The following PPP4R4 variants were observed in gnomAD, a reference collection of about 807,000 sequenced individuals.
PPP4R4 encodes protein phosphatase 4 regulatory subunit 4, also known as serine/threonine-protein phosphatase 4 regulatory subunit 4.
Under a neutral mutation model 121.8 loss-of-function variants are expected in PPP4R4, and 70 were observed. The ratio of observed to expected loss-of-function variants is 0.57; its 90% confidence interval spans 0.47 to 0.70. The LOEUF (loss-of-function observed/expected upper bound fraction) is 0.70, where lower values mean the gene tolerates loss of function less well. Among genes scored for constraint, PPP4R4 ranks in the 30% least tolerant of loss-of-function variants. The pLI, the probability that PPP4R4 is intolerant of heterozygous loss-of-function variation, is 0.00. For synonymous variants in PPP4R4, 348 were observed against 355.7 expected (o/e 0.98, Z 0.24); for missense variants, 875 against 1,033.6 (o/e 0.85, Z 2.10).
At chr14:94,266,216 A>T (rs1894046147) in intron 22 of PPP4R4, among the ~76,000 whole-genome samples, 1 of 152,126 alleles carries the variant, frequency 6.6e-6, no homozygotes, top group African/African-American at 2.4e-5. Flanking sequence ...AGTATGTTCC[A>T]TTATCTAAAT....
intron 3 of PPP4R4, among the ~76,000 whole-genome samples, chr14:94,226,522 T>C (rs976903642): frequency 3.9e-5 from 6 of 152,210 alleles, no homozygotes; most frequent in African/African-American, 1.4e-4. Flanking sequence ...TGATGAGGTA[T>C]AATCATTAAA....
At chr14:94,240,631 C>A (rs759837267) in intron 8 of PPP4R4, 42 bp from the exon 9 acceptor site, 4 of 1,569,806 alleles carry the variant, frequency 2.5e-6, no homozygotes, top group Admixed American at 3.8e-5. Context: ...GCAATGTGGA[C>A]GACTGAATTT....
chr14:94,267,517 T>G (rs1007313219), intron 23 of PPP4R4, among the ~76,000 whole-genome samples: 1 of 152,182 alleles, frequency 6.6e-6, no homozygotes, highest in Non-Finnish European at 1.5e-5. Context: ...AAAGCAGCTA[T>G]AGACAGTACA....
At chr14:94,262,012 T>C (rs1381706282) in intron 19 of PPP4R4, among the ~76,000 whole-genome samples, 1 of 152,008 alleles carries the variant, frequency 6.6e-6, no homozygotes, top group Non-Finnish European at 1.5e-5. Context: ...TTCCCCTTTT[T>C]GTCATTTTTG....
chr14:94,194,502 T>A (rs916937806), intron 2 of PPP4R4, among the ~76,000 whole-genome samples: 1 of 152,228 alleles, frequency 6.6e-6, no homozygotes, highest in African/African-American at 2.4e-5. Context: ...GTTGATCAAA[T>A]ATTTAAAAAT....
chr14:94,233,785 T>C (rs756414663), intron 6 of PPP4R4, 26 bp downstream of exon 6: 1 of 1,419,050 alleles, frequency 7.0e-7, no homozygotes, highest in Admixed American at 1.8e-5. Context: ...TAATTTTCGG[T>C]CTACTTTATT....
chr14:94,251,434 A>C (rs1893173170), intron 15 of PPP4R4, among the ~76,000 whole-genome samples: 1 of 152,024 alleles, frequency 6.6e-6, no homozygotes, highest in Admixed American at 6.5e-5. Flanking sequence ...TCAGGGCTAA[A>C]TGAGATAATA....
chr14:94,229,467 G>C (rs1891894425), intron 3 of PPP4R4, among the ~76,000 whole-genome samples: 1 of 152,048 alleles, frequency 6.6e-6, no homozygotes, highest in South Asian at 2.1e-4. Context: ...TTTAGGGAGA[G>C]ATCAGTGAAG....
intron 3 of PPP4R4, among the ~76,000 whole-genome samples, chr14:94,224,159 A>G (rs577199721): frequency 6.6e-6 from 1 of 152,216 alleles, no homozygotes; most frequent in Non-Finnish European, 1.5e-5. Context: ...ATGTAGATTC[A>G]AAGAACTGAG....
At chr14:94,276,500 G>A (rs1256589941) in intron 24 of PPP4R4, among the ~76,000 whole-genome samples, 1 of 152,218 alleles carries the variant, frequency 6.6e-6, no homozygotes, top group African/African-American at 2.4e-5. Context: ...TATCCTGGTA[G>A]ATGGTGAAGC....
At chr14:94,188,925 G>A (rs1323475114) in intron 2 of PPP4R4, among the ~76,000 whole-genome samples, 2 of 152,030 alleles carry the variant, frequency 1.3e-5, no homozygotes, top group Non-Finnish European at 2.9e-5. Flanking sequence ...TGAATATGCA[G>A]CATTTTTGTC....
At chr14:94,180,707 G>A (rs1031618636) in intron 2 of PPP4R4, among the ~76,000 whole-genome samples, 3 of 151,192 alleles carry the variant, frequency 2.0e-5, no homozygotes, top group Non-Finnish European at 1.5e-5. Context: ...CTAACTCCTG[G>A]GCTAAAATGA....
At chr14:94,255,566 A>G (rs541846363) in intron 16 of PPP4R4, among the ~76,000 whole-genome samples, 1 of 151,726 alleles carries the variant, frequency 6.6e-6, no homozygotes, top group Non-Finnish European at 1.5e-5. Flanking sequence ...ACACCACTGC[A>G]TTCCAGCCTG....
At chr14:94,193,568 G>A (rs1188497564) in intron 2 of PPP4R4, among the ~76,000 whole-genome samples, 1 of 152,146 alleles carries the variant, frequency 6.6e-6, no homozygotes, top group Non-Finnish European at 1.5e-5. Context: ...GGTTATTAAA[G>A]TAAGGTTATT....
At chr14:94,201,762 A>G (rs1890192626) in intron 2 of PPP4R4, among the ~76,000 whole-genome samples, 1 of 152,070 alleles carries the variant, frequency 6.6e-6, no homozygotes, top group Admixed American at 6.5e-5. Flanking sequence ...GTGAATTCTT[A>G]TCCATTCTGT....
chr14:94,174,402 G>A lies in PPP4R4; in HGVS notation c.-64G>A. 7.4e-7 allele frequency: 1 copy of A among 1,354,146 alleles called. No individual in the cohort carries two copies. Among genetic ancestry groups the A allele is most frequent in the Non-Finnish European group, 9.5e-7 (1 of 1,048,880 alleles). 83.9% of individuals were successfully genotyped at this position (1,354,146 alleles called of 1,614,324 possible). On this transcript the variant is annotated 5_prime_UTR_variant, in exon 1 of 25. Transcript: ENST00000304338. ...AAAGTCCTGCTGGTGGGCGGCCGCG[G>A]GGCTGAGGGCGTCCGGCATCCCGGG...
chr14:94,230,516 C>T (rs1057468741), intron 3 of PPP4R4, 71 bp from the exon 4 acceptor site: 45 of 1,409,548 alleles, frequency 3.2e-5, no homozygotes, highest in Non-Finnish European at 4.2e-5. Context: ...TTTCTACAAC[C>T]TTGGATTTTT....
At chr14:94,229,913 T>G (rs754631551) in intron 3 of PPP4R4, among the ~76,000 whole-genome samples, 15 of 152,150 alleles carry the variant, frequency 9.9e-5, no homozygotes, top group Non-Finnish European at 2.2e-4. Flanking sequence ...AGAAAGATAG[T>G]TTTTTTGACC....
Position 94,212,857 on chromosome 14 carries a change from G to A in PPP4R4, c.294+4291G>A, listed in dbSNP as rs542781630. On this transcript the variant is annotated intron_variant, in intron 3 of 24. Coordinates refer to ENST00000304338, the MANE Select transcript of PPP4R4 (RefSeq NM_058237.2). ...CGATATAATTACACCACATAACGAA[G>A]GTGATTCCATTACAATCCAATGCAA... is the stretch of plus-strand genomic sequence containing the variant. 5.3e-5 allele frequency among the ~76,000 whole-genome samples: 8 copies of A among 152,172 alleles called. No individual in the cohort carries two copies. The East Asian group carries it at 5.8e-4, about 11-fold the overall frequency.
Sources: gnomAD v4.1 joint callset for allele counts (sites outside exome capture counted in the v4.1 genomes callset) on GRCh38, gnomAD v4.1.1 for gene constraint, MANE v1.5 for transcripts, NCBI Gene and HGNC (gene_info 2026-07-23, HGNC 2026-07-21) for gene names.